Variants in ERBB4 observed in about 807,000 individuals in gnomAD.
ERBB4 encodes the protein erb-b2 receptor tyrosine kinase 4, also known as receptor tyrosine-protein kinase erbB-4.
ERBB4 carries 42 observed loss-of-function variants against 158.0 expected under a neutral mutation model. That is an observed-to-expected ratio of 0.27 (90% confidence interval 0.21 to 0.34). The LOEUF is 0.34. ERBB4 is among the 10% of genes least tolerant of loss of function. The probability of loss-of-function intolerance (pLI) is 1.00; values close to 1 mark genes in which losing one functional copy is unlikely to be tolerated. For missense variants in ERBB4, 1,333 were observed against 1,624.1 expected (o/e 0.82, Z 3.08); for synonymous variants, 583 against 558.7 (o/e 1.04, Z -0.61).
At chr2:212,326,101 A>G (rs1196510656) in intron 1 of ERBB4, among the ~76,000 whole-genome samples, 1 of 150,450 alleles carries the variant, frequency 6.6e-6, no homozygotes, top group East Asian at 2.0e-4. Flanking sequence ...GTGGACCCCA[A>G]ATTGGGATGC....
intron 1 of ERBB4, among the ~76,000 whole-genome samples, chr2:212,485,361 T>C (rs896747326): frequency 1.3e-5 from 2 of 152,248 alleles, no homozygotes; most frequent in Non-Finnish European, 2.9e-5. Context: ...TTATTTGTTT[T>C]ACTTTTCTAC....
At chr2:211,790,934 T>TTGA (rs913392702) in intron 3 of ERBB4, among the ~76,000 whole-genome samples, 3 of 151,930 alleles carry the variant, frequency 2.0e-5, no homozygotes, top group African/African-American at 7.2e-5. Flanking sequence ...TTTGATTAAT[T>TTGA]TGATTACCTA....
chr2:212,214,197 G>T (rs543380420), intron 1 of ERBB4, among the ~76,000 whole-genome samples: 1 of 151,786 alleles, frequency 6.6e-6, no homozygotes, highest in Non-Finnish European at 1.5e-5. Context: ...TTAATAGAAT[G>T]ATTCAATACA....
chr2:211,999,440 A>T (rs1306757542), intron 2 of ERBB4, among the ~76,000 whole-genome samples: 1 of 151,810 alleles, frequency 6.6e-6, no homozygotes, highest in Non-Finnish European at 1.5e-5. Context: ...TCATTTTTGC[A>T]GGGGTATCCT....
At chr2:212,238,745 A>T (rs2083972665) in intron 1 of ERBB4, among the ~76,000 whole-genome samples, 1 of 152,198 alleles carries the variant, frequency 6.6e-6, no homozygotes, top group Admixed American at 6.5e-5. Flanking sequence ...CAACGAGTTT[A>T]AAAATTTTAA....
intron 5 of ERBB4, among the ~76,000 whole-genome samples, chr2:211,741,850 A>C (rs1276587537): frequency 6.6e-6 from 1 of 152,224 alleles, no homozygotes; most frequent in Admixed American, 6.5e-5. Context: ...TTAAATTACA[A>C]CAAATATTAT....
intron 4 of ERBB4, among the ~76,000 whole-genome samples, chr2:211,759,464 C>G (rs1559493014): frequency 6.6e-6 from 1 of 152,136 alleles, no homozygotes; most frequent in Non-Finnish European, 1.5e-5. Context: ...GTAGCCCTCT[C>G]CTCCCTGCCT....
chr2:212,191,376 T>A (rs770049028), intron 1 of ERBB4, among the ~76,000 whole-genome samples: 3 of 151,066 alleles, frequency 2.0e-5, no homozygotes, highest in Non-Finnish European at 3.0e-5. Context: ...ATGTTACTTT[T>A]AAAAAAATGT....
At chr2:212,398,139 T>A (rs1009740055) in intron 1 of ERBB4, among the ~76,000 whole-genome samples, 3 of 151,760 alleles carry the variant, frequency 2.0e-5, no homozygotes, top group Admixed American at 6.6e-5. Flanking sequence ...TATACACATA[T>A]ATATATACAC....
At chr2:212,301,564 G>C (rs1256266093) in intron 1 of ERBB4, among the ~76,000 whole-genome samples, 1 of 151,228 alleles carries the variant, frequency 6.6e-6, no homozygotes, top group Non-Finnish European at 1.5e-5. Flanking sequence ...CTAGGTGTTG[G>C]ACATATCTTG....
At chr2:211,850,326 T>A (rs2077687662) in intron 3 of ERBB4, among the ~76,000 whole-genome samples, 1 of 151,886 alleles carries the variant, frequency 6.6e-6, no homozygotes, top group Non-Finnish European at 1.5e-5. Flanking sequence ...TATATATGCC[T>A]TTTATTCATA....
At chr2:211,426,208 A>AAGAT (rs750365331) in intron 22 of ERBB4, among the ~76,000 whole-genome samples, 9 of 152,334 alleles carry the variant, frequency 5.9e-5, no homozygotes, top group South Asian at 2.1e-4. Context: ...AGGTGATGAC[A>AAGAT]AGATAGGGTT....
At chr2:211,423,419 C>T (rs547718801) in intron 23 of ERBB4, among the ~76,000 whole-genome samples, 6 of 151,854 alleles carry the variant, frequency 4.0e-5, no homozygotes, top group African/African-American at 1.2e-4. Context: ...AAGGGGAAAG[C>T]CTTAGATTAT....
intron 25 of ERBB4, among the ~76,000 whole-genome samples, chr2:211,398,714 C>G (rs2062972602): frequency 6.6e-6 from 1 of 152,106 alleles, no homozygotes; most frequent in Non-Finnish European, 1.5e-5. Context: ...GCCTGTAATC[C>G]CAGTTACTTG....
intron 2 of ERBB4, among the ~76,000 whole-genome samples, chr2:211,963,338 G>A (rs1206170686): frequency 6.6e-6 from 1 of 152,078 alleles, no homozygotes; most frequent in Non-Finnish European, 1.5e-5. Flanking sequence ...AGTCCAAAAT[G>A]TCAAGGTTGA....
chr2:212,429,342 G>A (rs935220561), intron 1 of ERBB4: 1 of 152,194 alleles, frequency 6.6e-6, no homozygotes, highest in African/African-American at 2.4e-5. Context: ...AGAAAGCACA[G>A]GAGTCTACTG....
chr2:212,085,766 C>T (rs1338552518), intron 2 of ERBB4, among the ~76,000 whole-genome samples: 1 of 151,806 alleles, frequency 6.6e-6, no homozygotes, highest in Non-Finnish European at 1.5e-5. Context: ...ATACCTTCCT[C>T]ATAAAGTGGC....
At chr2:212,516,825 T>C (rs904548408) in intron 1 of ERBB4, among the ~76,000 whole-genome samples, 4 of 152,146 alleles carry the variant, frequency 2.6e-5, no homozygotes, top group African/African-American at 9.6e-5. Flanking sequence ...GTCTTTGTCT[T>C]TGTACATCAG....
intron 1 of ERBB4, among the ~76,000 whole-genome samples, chr2:212,327,243 T>C (rs1310780942): frequency 6.6e-6 from 1 of 151,930 alleles, no homozygotes; most frequent in Admixed American, 6.6e-5. Flanking sequence ...AAGTATATTA[T>C]TTAACTTGAT....
Sources: allele counts gnomAD v4.1 joint callset (sites outside exome capture counted in the v4.1 genomes callset), GRCh38; gene constraint gnomAD v4.1.1; transcripts MANE v1.5; gene names NCBI Gene and HGNC (gene_info 2026-07-23, HGNC 2026-07-21).